Variants in FHIT observed in about 807,000 individuals in gnomAD.
FHIT encodes the protein bis(5'-adenosyl)-triphosphatase.
Under a neutral mutation model 17.9 loss-of-function variants are expected in FHIT, and 19 were observed. That is an observed-to-expected ratio of 1.06 (90% CI 0.74 to 1.56). FHIT has a LOEUF of 1.56. Ranked by LOEUF, FHIT falls within the 40% of genes most tolerant of loss-of-function variation. The probability of loss-of-function intolerance (pLI) is 0.00; values close to 1 mark genes in which losing one functional copy is unlikely to be tolerated. For missense variants in FHIT, 248 were observed against 189.2 expected (o/e 1.31, Z -1.82); for synonymous variants, 81 against 69.7 (o/e 1.16, Z -0.81).
chr3:60,084,305 G>A (rs1352323462), intron 5 of FHIT, among the ~76,000 whole-genome samples: 2 of 152,086 alleles, frequency 1.3e-5, no homozygotes, highest in Non-Finnish European at 2.9e-5. Context: ...AATAAATCAA[G>A]GTGGAGTCTT....
At chr3:59,762,380 T>A (rs1046961601) in intron 8 of FHIT, among the ~76,000 whole-genome samples, 10 of 152,154 alleles carry the variant, frequency 6.6e-5, no homozygotes, top group Admixed American at 5.9e-4. Flanking sequence ...AAATTACACT[T>A]TTCCTCCCAA....
At position 60,500,128 on chromosome 3, in the gene FHIT, G is replaced by A. The variant is rs188590194; in HGVS notation, c.103+36732C>T. Among the ~76,000 whole-genome samples, 101 of 152,182 alleles carry A rather than the reference G, an allele frequency of 6.6e-4. 1 individual carries two copies. The highest frequency in any genetic ancestry group is 1.1e-3 in the Non-Finnish European group (73 of 68,020). ...GTCTAATTTGAGGTCAGCAAATGAC[G>A]GCCCTAGAGCCAAACCTGCCTGATA... On this transcript the variant is annotated intron_variant, in intron 5 of 9. Coordinates refer to ENST00000492590, the MANE Select transcript of FHIT (RefSeq NM_002012.4).
chr3:61,143,865 AAAAC>A (rs542809092), intron 2 of FHIT, among the ~76,000 whole-genome samples: 22 of 152,270 alleles, frequency 1.4e-4, no homozygotes, highest in East Asian at 1.9e-4. Flanking sequence ...GACTCTGTCT[AAAAC>A]AAACAAACAA....
chr3:60,608,651 C>T lies in FHIT; in HGVS notation c.-17-71672G>A, dbSNP rs1190263635. 2.6e-5 allele frequency among the ~76,000 whole-genome samples: 4 copies of T among 152,258 alleles called. No individual in the cohort carries two copies. The East Asian group carries it at 7.7e-4, about 29-fold the overall frequency. ...TGGGCCCAATATCATTACAACAATA[C>T]TGCAAGGTCCCCCTTCATCCCAATG... On this transcript the variant is annotated intron_variant, in intron 4 of 9. Coordinates refer to ENST00000492590, the MANE Select transcript of FHIT (RefSeq NM_002012.4).
chr3:59,804,439 C>T (rs1700116923), intron 8 of FHIT, among the ~76,000 whole-genome samples: 2 of 152,144 alleles, frequency 1.3e-5, no homozygotes, highest in African/African-American at 4.8e-5. Context: ...AAGAACTGGA[C>T]AAAATGCGCA....
At chr3:60,382,665 T>C (rs1700853395) in intron 5 of FHIT, among the ~76,000 whole-genome samples, 1 of 152,184 alleles carries the variant, frequency 6.6e-6, no homozygotes, top group African/African-American at 2.4e-5. Context: ...TATTCCCTGA[T>C]AGAACCCAAT....
intron 8 of FHIT, among the ~76,000 whole-genome samples, chr3:59,807,412 G>A (rs149440844): frequency 2.6e-5 from 4 of 152,296 alleles, no homozygotes; most frequent in Non-Finnish European, 4.4e-5. Context: ...GCAAGAATAA[G>A]GTCCAGAGCT....
chr3:60,060,358 A>C (rs1050847433), intron 5 of FHIT, among the ~76,000 whole-genome samples: 1 of 152,226 alleles, frequency 6.6e-6, no homozygotes, highest in Non-Finnish European at 1.5e-5. Context: ...ACTAAGGATC[A>C]CTAAATCCTG....
intron 5 of FHIT, among the ~76,000 whole-genome samples, chr3:60,225,987 C>T (rs1409429511): frequency 6.6e-6 from 1 of 152,120 alleles, no homozygotes; most frequent in Non-Finnish European, 1.5e-5. Context: ...GCTGGGCGCT[C>T]TGTTTATAAA....
At chr3:61,101,893 C>A (rs139195367) in intron 2 of FHIT, among the ~76,000 whole-genome samples, 1 of 152,040 alleles carries the variant, frequency 6.6e-6, no homozygotes, top group Non-Finnish European at 1.5e-5. Context: ...GTGATTTTTG[C>A]GCATTGATTT....
intron 5 of FHIT, among the ~76,000 whole-genome samples, chr3:60,278,574 C>A (rs1308480388): frequency 6.6e-6 from 1 of 152,084 alleles, no homozygotes; most frequent in South Asian, 2.1e-4. Context: ...AACACACAGA[C>A]TCTATTGAAT....
chr3:60,921,207 G>A (rs1013607932), intron 3 of FHIT, among the ~76,000 whole-genome samples: 14 of 152,248 alleles, frequency 9.2e-5, no homozygotes, highest in African/African-American at 2.6e-4. Flanking sequence ...AACATTTTTC[G>A]GTATGGCTGA....
At chr3:61,122,432 G>T (rs985287236) in intron 2 of FHIT, among the ~76,000 whole-genome samples, 1 of 152,110 alleles carries the variant, frequency 6.6e-6, no homozygotes, top group Non-Finnish European at 1.5e-5. Context: ...TACCATTCAG[G>T]ACATAAACAT....
At chr3:59,857,192 T>G (rs1702193532) in intron 8 of FHIT, among the ~76,000 whole-genome samples, 1 of 152,156 alleles carries the variant, frequency 6.6e-6, no homozygotes, top group Non-Finnish European at 1.5e-5. Context: ...GGGGTTTGAT[T>G]TGTGACATGT....
intron 5 of FHIT, among the ~76,000 whole-genome samples, chr3:60,091,850 G>C (rs775994572): frequency 7.2e-5 from 11 of 152,046 alleles, no homozygotes; most frequent in Non-Finnish European, 1.0e-4. Context: ...CCTAGAAGCC[G>C]AAGCTGCTAT....
rs60858106 is a variant in FHIT, at chr3:60,785,934, CAG to C, written c.-18+35983_-18+35984del. ...ACACACACACACACACACACACACA[CAG>C]AGAGAGTACTTTTCAAGATTAGTAA... is the stretch of plus-strand genomic sequence containing the variant. On this transcript the variant is annotated intron_variant, in intron 4 of 9. Transcript: ENST00000492590. Among the ~76,000 whole-genome samples, 1,314 of 137,988 alleles carry C rather than the reference CAG, an allele frequency of 9.5e-3. 14 individuals are homozygous for C. The highest frequency in any genetic ancestry group is 0.017 in the Non-Finnish European group (1,040 of 62,256). The allele number at this position is 137,988 out of a possible 152,430, so 90.5% of individuals were successfully genotyped here.
chr3:60,043,196 C>T (rs1187676424), intron 5 of FHIT, among the ~76,000 whole-genome samples: 2 of 152,178 alleles, frequency 1.3e-5, no homozygotes, highest in Non-Finnish European at 2.9e-5. Context: ...CTCATCAACC[C>T]ACAACAACGG....
intron 4 of FHIT, among the ~76,000 whole-genome samples, chr3:60,700,995 C>T (rs1553701965): frequency 3.9e-5 from 6 of 151,976 alleles, no homozygotes; most frequent in Non-Finnish European, 5.9e-5. Flanking sequence ...ATATTTAATT[C>T]ATCTGAATTT....
At chr3:60,444,920 T>G (rs2031212878) in intron 5 of FHIT, among the ~76,000 whole-genome samples, 2 of 152,108 alleles carry the variant, frequency 1.3e-5, no homozygotes, top group South Asian at 2.1e-4. Context: ...TTTTGCCATC[T>G]AATTCCTTAG....
Sources: gnomAD v4.1 joint callset for allele counts (sites outside exome capture counted in the v4.1 genomes callset) on GRCh38, gnomAD v4.1.1 for gene constraint, MANE v1.5 for transcripts, NCBI Gene and HGNC (gene_info 2026-07-23, HGNC 2026-07-21) for gene names.